Variants in SPMIP2 observed in about 807,000 individuals in gnomAD.
SPMIP2 encodes the protein protein SPMIP2.
At chr4:158,903,045 C>G in the SPMIP2 span, among the ~76,000 whole-genome samples, 15 of 152,214 alleles carry the variant, frequency 9.9e-5, no homozygotes, top group Admixed American at 1.3e-4. Flanking sequence ...AAAAAAAACT[C>G]TTGCAGCTAG....
chr4:158,930,475 T>C, the SPMIP2 span, among the ~76,000 whole-genome samples: 81 of 151,070 alleles, frequency 5.4e-4, 1 homozygote, highest in Admixed American at 5.3e-3. Flanking sequence ...CCCAAAGTGC[T>C]GCGATTACAG....
At chr4:158,951,819 G>A in the SPMIP2 span, among the ~76,000 whole-genome samples, 2 of 152,212 alleles carry the variant, frequency 1.3e-5, no homozygotes, top group Admixed American at 1.3e-4. Flanking sequence ...ATATGTCAGG[G>A]ATGGATGAAA....
chr4:158,965,404 A>G, the SPMIP2 span, among the ~76,000 whole-genome samples: 2 of 152,196 alleles, frequency 1.3e-5, no homozygotes, highest in African/African-American at 4.8e-5. Flanking sequence ...TTCAAGCAAC[A>G]GAAAGCTATA....
At chr4:159,024,524 G>A in the SPMIP2 span, among the ~76,000 whole-genome samples, 1 of 152,092 alleles carries the variant, frequency 6.6e-6, no homozygotes, top group African/African-American at 2.4e-5. Flanking sequence ...TTGCAAGAAA[G>A]GGAAGAAAGG....
the SPMIP2 span, among the ~76,000 whole-genome samples, chr4:158,985,985 C>A: frequency 6.8e-6 from 1 of 146,968 alleles, no homozygotes; most frequent in South Asian, 2.3e-4. Context: ...TCTTATACAC[C>A]AACAACAGAC....
the SPMIP2 span, among the ~76,000 whole-genome samples, chr4:159,065,381 T>A: frequency 6.6e-6 from 1 of 152,154 alleles, no homozygotes; most frequent in Non-Finnish European, 1.5e-5. Context: ...TAAATAAAAT[T>A]GAGACTTTTG....
chr4:159,030,884 C>T, the SPMIP2 span, among the ~76,000 whole-genome samples: 89 of 152,098 alleles, frequency 5.9e-4, 1 homozygote, highest in Non-Finnish European at 1.1e-3. Context: ...AGAATTGCTG[C>T]GAAATTCCTC....
chr4:158,962,419 C>T, the SPMIP2 span, among the ~76,000 whole-genome samples: 1 of 152,136 alleles, frequency 6.6e-6, no homozygotes, highest in East Asian at 1.9e-4. Context: ...GTCTTTCTCA[C>T]CCATAGAACG....
At chr4:159,047,363 G>C in the SPMIP2 span, among the ~76,000 whole-genome samples, 3 of 135,366 alleles carry the variant, frequency 2.2e-5, no homozygotes, top group South Asian at 8.1e-4. Context: ...ATTTAAGCAA[G>C]ACTTTTCTTG....
the SPMIP2 span, among the ~76,000 whole-genome samples, chr4:159,012,902 A>G: frequency 2.0e-5 from 3 of 152,162 alleles, no homozygotes; most frequent in African/African-American, 4.8e-5. Flanking sequence ...CTGATACAAA[A>G]TAGCACTGAG....
At chr4:158,967,796 A>T in the SPMIP2 span, among the ~76,000 whole-genome samples, 1,606 of 152,334 alleles carry the variant, frequency 0.011, 17 homozygotes, top group Middle Eastern at 0.048. Flanking sequence ...CATTTTTCCC[A>T]GATGAATCTG....
the SPMIP2 span, among the ~76,000 whole-genome samples, chr4:158,977,738 C>T: frequency 3.3e-5 from 5 of 151,632 alleles, no homozygotes; most frequent in African/African-American, 1.2e-4. Context: ...CCTCAGCCTC[C>T]GGAGTAGCTG....
chr4:158,901,219 G>A, the SPMIP2 span, among the ~76,000 whole-genome samples: 5 of 140,516 alleles, frequency 3.6e-5, no homozygotes, highest in African/African-American at 8.1e-5. Context: ...TGCAACCTCC[G>A]CCCCTCCAGG....
chr4:158,918,860 T>A, the SPMIP2 span, among the ~76,000 whole-genome samples: 2 of 152,166 alleles, frequency 1.3e-5, no homozygotes, highest in African/African-American at 4.8e-5. Flanking sequence ...TGGGTAGGTG[T>A]CAGGTGCACA....
chr4:159,005,221 C>CAAA, the SPMIP2 span, among the ~76,000 whole-genome samples: 82 of 53,112 alleles, frequency 1.5e-3, 8 homozygotes, highest in African/African-American at 6.9e-3. Flanking sequence ...GACTCCGCCT[C>CAAA]AAAAAAAAAA....
At chr4:158,913,819 G>A in the SPMIP2 span, among the ~76,000 whole-genome samples, 18 of 151,142 alleles carry the variant, frequency 1.2e-4, no homozygotes, top group African/African-American at 4.4e-4. Context: ...ACTCCAGCCT[G>A]GGCAACATAG....
chr4:158,988,774 A>G, the SPMIP2 span, among the ~76,000 whole-genome samples: 3 of 152,190 alleles, frequency 2.0e-5, no homozygotes, highest in Non-Finnish European at 4.4e-5. Flanking sequence ...CCCACAGCCA[A>G]TATCATACTG....
At chr4:158,966,081 TC>T in the SPMIP2 span, among the ~76,000 whole-genome samples, 1 of 152,210 alleles carries the variant, frequency 6.6e-6, no homozygotes, top group East Asian at 1.9e-4. Context: ...CATAGTGGAT[TC>T]CTATAGCATA....
chr4:158,958,692 G>T, the SPMIP2 span, among the ~76,000 whole-genome samples: 1 of 152,182 alleles, frequency 6.6e-6, no homozygotes. Flanking sequence ...CCACCTTAGA[G>T]AATGCAAAGG....
Sources: gnomAD v4.1 joint callset for allele counts (sites outside exome capture counted in the v4.1 genomes callset) on GRCh38, gnomAD v4.1.1 for gene constraint, MANE v1.5 for transcripts, NCBI Gene and HGNC (gene_info 2026-07-23, HGNC 2026-07-21) for gene names.